The following CDC14B variants were observed in gnomAD, a reference collection of about 807,000 sequenced individuals.
CDC14B encodes dual specificity protein phosphatase CDC14B.
CDC14B carries 22 observed loss-of-function variants against 64.2 expected under a neutral mutation model. The ratio of observed to expected loss-of-function variants is 0.34; its 90% CI spans 0.24 to 0.49. CDC14B has a LOEUF of 0.49. CDC14B is among the 20% of genes least tolerant of loss of function. The pLI is 0.99. For missense variants in CDC14B, 498 were observed against 629.9 expected (o/e 0.79, Z 2.24); for synonymous variants, 191 against 215.8 (o/e 0.89, Z 1.01).
rs1211248012 is a variant in CDC14B, at chr9:96,515,319, G to A, written c.1344-5530C>T. On this transcript the variant is annotated intron_variant, in intron 12 of 13. Transcript: ENST00000375241. This position sits in a 1 kb window ranked among gnomAD's most constrained non-coding sequence, Gnocchi z 4.3. ...AATAAAACCACCCCAATTATCCTAA[G>A]CTAACTACTTTTGATAGGGAAGAAA... is the stretch of plus-strand genomic sequence containing the variant. 2.0e-5 allele frequency among the ~76,000 whole-genome samples: 3 copies of A among 152,172 alleles called. No individual in the cohort carries two copies. The highest frequency in any genetic ancestry group is 4.4e-5 in the Non-Finnish European group (3 of 68,026).
chr9:96,587,169 T>C (rs191604669), intron 1 of CDC14B, among the ~76,000 whole-genome samples: 29 of 151,034 alleles, frequency 1.9e-4, no homozygotes, highest in African/African-American at 7.1e-4. Flanking sequence ...TGAGACTCTG[T>C]CTCGAAAACA....
At chr9:96,613,478 T>C (rs1277825983) in intron 1 of CDC14B, among the ~76,000 whole-genome samples, 1 of 152,242 alleles carries the variant, frequency 6.6e-6, no homozygotes, top group East Asian at 1.9e-4. Context: ...AACTACTCTG[T>C]ATGTCCACTT....
At position 96,528,602 on chromosome 9, in the gene CDC14B, C is replaced by A. The variant is rs1837949504; in HGVS notation, c.947-4877G>T. Among the ~76,000 whole-genome samples, 3 of 152,254 alleles carry A rather than the reference C, an allele frequency of 2.0e-5. No individual in the cohort carries two copies. The South Asian group carries it at 6.2e-4, about 32-fold the overall frequency. ...AAATATCTGTTCATATCCCTGCTGT[C>A]AATTGTTTCTGAGCATATAACCAGA... On this transcript the variant is annotated intron_variant, in intron 9 of 13. Transcript: ENST00000375241.
Position 96,539,157 on chromosome 9 carries a change from A to G in CDC14B, c.565-17T>C. 1.3e-6 allele frequency: 2 copies of G among 1,562,910 alleles called. No individual in the cohort carries two copies. The highest frequency in any genetic ancestry group is 1.8e-6 in the Non-Finnish European group (2 of 1,136,104). On this transcript the variant is annotated splice_polypyrimidine_tract_variant and intron_variant, in intron 6 of 13. Transcript: ENST00000375241. ...CTGCATTGCCTAAAATCCAAAAGAAAGCTTTTAAGAACAAGGATGCAAATA... is the reference window on the plus strand; with the variant it reads ...CTGCATTGCCTAAAATCCAAAAGAAGGCTTTTAAGAACAAGGATGCAAATA...
rs548507477 is a variant in CDC14B at position 96,533,143 on chromosome 9, A to G, written c.946+784T>C. Among the ~76,000 whole-genome samples, 158 of 152,048 alleles carry G rather than the reference A, an allele frequency of 1.0e-3. 1 individual carries two copies. Among genetic ancestry groups the G allele is most frequent in the Admixed American group, 1.2e-3 (19 of 15,282 alleles). ...CACCACACCCAGCTAATTTTTTTGT[A>G]TTTTTAGTAGAGACAGGGTTTCACT... On this transcript the variant is annotated intron_variant, in intron 9 of 13. Coordinates refer to ENST00000375241, the MANE Select transcript of CDC14B (RefSeq NM_033331.4).
At chr9:96,595,158 A>G (rs1846000698) in intron 1 of CDC14B, among the ~76,000 whole-genome samples, 1 of 152,208 alleles carries the variant, frequency 6.6e-6, no homozygotes, top group South Asian at 2.1e-4. Context: ...TCAAAAAGAA[A>G]AAGAAAAATT....
chr9:96,534,620 A>C (rs1050928665), intron 7 of CDC14B, 78 bp from the exon 8 acceptor site: 2 of 929,902 alleles, frequency 2.2e-6, no homozygotes, highest in Non-Finnish European at 3.4e-6. Flanking sequence ...TGAGTCTCTG[A>C]AGGACTTCAA....
rs1238281543 is a variant in CDC14B at position 96,619,257 on chromosome 9, C to A, written c.122G>T (p.Arg41Leu). ...GTACACGTCGTCCTGGGGGTCCCGG[C>A]GGCGCGGGTCTTGCTGCGTGGAGCT... Reference protein sequence around the residue: ...IRSSTQQDPRRRDPQDDVYLD... With the variant: ...IRSSTQQDPRLRDPQDDVYLD... Residue 41 changes from arginine (R) to leucine (L), a missense_variant, in exon 1 of 14, where the codon CGC (arginine) becomes CTC (leucine). Transcript: ENST00000375241. 2.2e-6 allele frequency: 3 copies of A among 1,359,296 alleles called. No homozygotes were observed. Among genetic ancestry groups the A allele is most frequent in the Non-Finnish European group, 2.9e-6 (3 of 1,050,578 alleles). The allele number at this position is 1,359,296 out of a possible 1,614,324, so 84.2% of individuals were successfully genotyped here.
chr9:96,541,846 A>C lies in CDC14B; in HGVS notation c.544T>G (p.Cys182Gly). 1.2e-6 allele frequency: 2 copies of C among 1,608,260 alleles called. No homozygotes were observed. Among genetic ancestry groups the C allele is most frequent in the Non-Finnish European group, 1.7e-6 (2 of 1,175,818 alleles). The change falls in exon 6 of 14, where the codon TGT becomes GGT. Residue 182 changes from cysteine to glycine, a missense_variant. Cys to Gly is a radical substitution (Grantham distance 159). Coordinates refer to ENST00000375241, the MANE Select transcript of CDC14B (RefSeq NM_033331.4). The stretch of plus-strand genomic sequence containing the variant: ...CTCACCTTCTTTACTGCATGAAAAC[A>C]GTCAAGAAGTGTAATGTAGAAATTG... ...SCNFYITLLD[C>G]FHAVKKAMQY... is the part of the protein sequence containing the mutation.
In CDC14B at chr9:96,523,672, T is replaced by C. The variant is rs778818556; in HGVS notation, c.1000A>G (p.Arg334Gly). 6.2e-7 allele frequency: 1 copy of C among 1,614,124 alleles called. No individual in the cohort carries two copies. The highest frequency in any genetic ancestry group is 2.2e-5 in the East Asian group (1 of 44,870). ...GCAATGGTCTCGGCTGCTGTCATCC[T>C]GTAATGCTTCATGATGTAGCAGGCT... The part of the protein sequence containing the change: ...LIACYIMKHY[R>G]MTAAETIAWV... The change falls in exon 10 of 14, where the codon AGG becomes GGG. Residue 334 changes from arginine (R) to glycine (G), a missense_variant. By Grantham distance (125) the Arg-to-Gly change is moderately radical (BLOSUM62 -2). Transcript: ENST00000375241.
chr9:96,586,885 A>C (rs932024204), intron 1 of CDC14B, among the ~76,000 whole-genome samples: 7 of 152,084 alleles, frequency 4.6e-5, no homozygotes, highest in Admixed American at 2.0e-4. Context: ...TTAAAATGAG[A>C]AAACAGGCCA....
intron 5 of CDC14B, among the ~76,000 whole-genome samples, chr9:96,542,708 T>C (rs1418708580): frequency 6.6e-6 from 1 of 151,820 alleles, no homozygotes; most frequent in Non-Finnish European, 1.5e-5. Flanking sequence ...ATACCAAGGC[T>C]GGTCTTAAAC....
chr9:96,540,456 G>A (rs1217404629), intron 6 of CDC14B, among the ~76,000 whole-genome samples: 1 of 151,934 alleles, frequency 6.6e-6, no homozygotes, highest in Non-Finnish European at 1.5e-5. Context: ...AACATAGTGA[G>A]ACCTCATCTC....
At chr9:96,498,853 G>A (rs1357384866), downstream of CDC14B, among the ~76,000 whole-genome samples, 1 of 152,250 alleles carries the variant, frequency 6.6e-6, no homozygotes, top group Non-Finnish European at 1.5e-5. Flanking sequence ...CGCACAAGGT[G>A]GATGGGCCCT....
intron 4 of CDC14B, among the ~76,000 whole-genome samples, chr9:96,552,500 T>A (rs1252007395): frequency 7.2e-5 from 11 of 152,240 alleles, no homozygotes; most frequent in Admixed American, 7.2e-4. Flanking sequence ...AAACATTTTT[T>A]TTTTCCCTTG....
chr9:96,536,062 CATTA>C (rs1839221511), intron 7 of CDC14B, among the ~76,000 whole-genome samples: 2 of 152,162 alleles, frequency 1.3e-5, no homozygotes, highest in South Asian at 4.1e-4. Flanking sequence ...TTGCTGATGC[CATTA>C]ATTAAGATAC....
At position 96,515,685 on chromosome 9, in the gene CDC14B, G is replaced by A; in HGVS notation, c.1344-5896C>T. ...GTCAGGGGGTCCTGATGGCTACTGT[G>A]TTCTGAAACCATCGAGACAGAATAG... On this transcript the variant is annotated intron_variant, in intron 12 of 13. Transcript: ENST00000375241. The surrounding 1 kb of genome is among the most constrained non-coding windows in gnomAD (Gnocchi z 4.3). 1 of 1,597,618 alleles carries A rather than the reference G, an allele frequency of 6.3e-7. No individual in the cohort carries two copies. Among genetic ancestry groups the A allele is most frequent in the South Asian group, 1.1e-5 (1 of 88,056 alleles).
At chr9:96,540,687 T>C (rs1237477056) in intron 6 of CDC14B, among the ~76,000 whole-genome samples, 1 of 151,934 alleles carries the variant, frequency 6.6e-6, no homozygotes, top group Non-Finnish European at 1.5e-5. Context: ...AAAGCTTTAC[T>C]TTTCTCTTTT....
At chr9:96,603,266 A>G (rs1394859286) in intron 1 of CDC14B, among the ~76,000 whole-genome samples, 1 of 152,122 alleles carries the variant, frequency 6.6e-6, no homozygotes, top group Non-Finnish European at 1.5e-5. Context: ...GGAAAACAGG[A>G]AAGTGCCTTA....
Sources: allele counts gnomAD v4.1 joint callset (sites outside exome capture counted in the v4.1 genomes callset), GRCh38; gene constraint gnomAD v4.1.1; non-coding constraint Gnocchi (gnomAD v3.1); transcripts MANE v1.5; gene names NCBI Gene and HGNC (gene_info 2026-07-23, HGNC 2026-07-21).